Variants in POLB observed in about 807,000 individuals in gnomAD.
POLB encodes the protein 5'-dRP lyase.
POLB carries 37 observed loss-of-function variants against 52.7 expected under a neutral mutation model. The observed-to-expected ratio is 0.70, with a 90% CI of 0.54 to 0.92. The LOEUF is 0.92. Among genes scored for constraint, POLB ranks in the 40% least tolerant of loss-of-function variants. POLB has a pLI of 0.00. For synonymous variants in POLB, 138 were observed against 131.3 expected, an observed-to-expected ratio of 1.05 and a Z score of -0.35; for missense variants, 313 against 400.8, an observed-to-expected ratio of 0.78 and a Z score of 1.87.
rs545051749 is a variant in POLB, at chr8:42,370,501, TTTTGTCCTCAAAGTATAAAATAC to T, written c.913+537_913+559del. ...CTACTAGGAGAATGAATTTTTGTCA[TTTTGTCCTCAAAGTATAAAATAC>T]TTTGTCCTCAAAGTATAAAATACCT... On this transcript the variant is annotated intron_variant, in intron 13 of 13. Transcript: ENST00000265421. Among the ~76,000 whole-genome samples the T allele has an allele frequency of 9.6e-4, 146 of 152,248 alleles. 1 individual carries two copies. The highest frequency in any genetic ancestry group is 3.4e-3 in the Middle Eastern group (1 of 294).
intron 3 of POLB, among the ~76,000 whole-genome samples, chr8:42,348,321 A>G (rs962858074): frequency 2.6e-5 from 4 of 152,228 alleles, no homozygotes; most frequent in Admixed American, 2.6e-4. Flanking sequence ...GTGCTGCCCA[A>G]TACAGCAACC....
chr8:42,341,207 T>C (rs1822181172), intron 2 of POLB, among the ~76,000 whole-genome samples: 1 of 152,222 alleles, frequency 6.6e-6, no homozygotes. Flanking sequence ...AATAATTAAA[T>C]AATATTTTCT....
At chr8:42,356,021 C>T (rs1368815030) in intron 7 of POLB, among the ~76,000 whole-genome samples, 1 of 152,080 alleles carries the variant, frequency 6.6e-6, no homozygotes, top group African/African-American at 2.4e-5. Context: ...CCTAAATAAC[C>T]ATATAGGAAT....
At chr8:42,364,720 A>G (rs1275776263) in intron 11 of POLB, among the ~76,000 whole-genome samples, 1 of 152,208 alleles carries the variant, frequency 6.6e-6, no homozygotes, top group Non-Finnish European at 1.5e-5. Flanking sequence ...CAAAACTAGA[A>G]GATAGTTGAG....
At chr8:42,346,716 C>A (rs1330064896) in intron 3 of POLB, among the ~76,000 whole-genome samples, 2 of 152,026 alleles carry the variant, frequency 1.3e-5, no homozygotes, top group African/African-American at 4.8e-5. Context: ...TATATTTTTG[C>A]CCTTCAGAGT....
chr8:42,361,245 AATTGATAC>A, intron 9 of POLB, 42 bp from the exon 10 acceptor site: 2 of 1,347,426 alleles, frequency 1.5e-6, no homozygotes, highest in Non-Finnish European at 2.1e-6. Context: ...CCATTTGCCC[AATTGATAC>A]ATTTACATGG....
At chr8:42,343,338 AAAAAAAAATAT>A (rs1405799248) in intron 2 of POLB, among the ~76,000 whole-genome samples, 2 of 52,444 alleles carry the variant, frequency 3.8e-5, no homozygotes, top group Non-Finnish European at 5.9e-5. Context: ...AAAAAAAAAA[AAAAAAAAATAT>A]ATATATATAT....
intron 13 of POLB, among the ~76,000 whole-genome samples, chr8:42,370,979 A>G (rs1483122879): frequency 6.6e-6 from 1 of 152,152 alleles, no homozygotes; most frequent in Non-Finnish European, 1.5e-5. Context: ...TAGAGTATAT[A>G]ATACATAGTG....
intron 3 of POLB, among the ~76,000 whole-genome samples, chr8:42,347,678 T>C (rs886446287): frequency 1.3e-5 from 2 of 152,056 alleles, no homozygotes; most frequent in African/African-American, 4.8e-5. Flanking sequence ...GGAAAAATAA[T>C]TACCCTTTAA....
At chr8:42,363,597 A>G (rs1235558338) in intron 11 of POLB, among the ~76,000 whole-genome samples, 1 of 151,734 alleles carries the variant, frequency 6.6e-6, no homozygotes, top group African/African-American at 2.4e-5. Context: ...TGAAAATACC[A>G]GTAATGACTT....
chr8:42,368,233 C>G (rs959423179), intron 11 of POLB, among the ~76,000 whole-genome samples: 1 of 152,118 alleles, frequency 6.6e-6, no homozygotes, highest in Non-Finnish European at 1.5e-5. Context: ...CCTGGTAATT[C>G]CAGGTGGAAA....
At chr8:42,370,317 A>G (rs1824307436) in intron 13 of POLB, 5 of 393,660 alleles carry the variant, frequency 1.3e-5, no homozygotes, top group South Asian at 1.0e-4. Context: ...GGACCCCTGA[A>G]AAACTCAAGT....
chr8:42,370,142 G>C, intron 13 of POLB, 154 bp downstream of exon 13: 1 of 699,986 alleles, frequency 1.4e-6, no homozygotes, highest in Middle Eastern at 2.3e-4. Context: ...AGGATTTAAT[G>C]CATAACATGC....
At chr8:42,369,649 G>A in intron 12 of POLB, 200 bp from the exon 13 acceptor site, 1 of 526,672 alleles carries the variant, frequency 1.9e-6, no homozygotes, top group Non-Finnish European at 3.3e-6. Context: ...ATCTCTTTCA[G>A]AACAAAGTTC....
At chr8:42,342,365 C>T in intron 2 of POLB, 1 of 1,494,750 alleles carries the variant, frequency 6.7e-7, no homozygotes, top group Non-Finnish European at 9.2e-7. Context: ...TTTGTCAGGC[C>T]AACCTTCACA....
intron 6 of POLB, 140 bp downstream of exon 6, chr8:42,352,708 A>G (rs1328504785): frequency 4.6e-6 from 3 of 646,566 alleles, no homozygotes; most frequent in East Asian, 2.6e-5. Flanking sequence ...ACTCTGTAGT[A>G]CAGTAGATAT....
intron 7 of POLB, 74 bp from the exon 8 acceptor site, chr8:42,357,095 A>G (rs919206300): frequency 1.2e-6 from 1 of 805,800 alleles, no homozygotes; most frequent in Non-Finnish European, 2.1e-6. Flanking sequence ...GACAATTGTT[A>G]TAAAAGGCAA....
chr8:42,353,514 G>T (rs970673263), intron 6 of POLB, among the ~76,000 whole-genome samples: 1 of 151,964 alleles, frequency 6.6e-6, no homozygotes, highest in Non-Finnish European at 1.5e-5. Flanking sequence ...GTTATTAAAG[G>T]AATTTTTGCT....
chr8:42,345,705 A>C (rs1244935222), intron 3 of POLB, among the ~76,000 whole-genome samples: 1 of 152,138 alleles, frequency 6.6e-6, no homozygotes, highest in Non-Finnish European at 1.5e-5. Flanking sequence ...GTGTCATGTC[A>C]GCACTCAAAA....
Sources: gnomAD v4.1 joint callset for allele counts (sites outside exome capture counted in the v4.1 genomes callset) on GRCh38, gnomAD v4.1.1 for gene constraint, MANE v1.5 for transcripts, NCBI Gene and HGNC (gene_info 2026-07-23, HGNC 2026-07-21) for gene names.